ZSWIM5: variants seen among roughly 807,000 people sequenced by gnomAD.
ZSWIM5 encodes zinc finger SWIM domain-containing protein 5.
A neutral mutation model predicts 119.6 loss-of-function variants in ZSWIM5; 55 were observed. That is an observed-to-expected ratio of 0.46 (90% CI 0.37 to 0.58). The LOEUF is 0.58. ZSWIM5 is among the 20% of genes least tolerant of loss of function. The pLI, the probability that ZSWIM5 is intolerant of heterozygous loss-of-function variation, is 0.00. For missense variants in ZSWIM5, 1,193 were observed against 1,512.8 expected, an observed-to-expected ratio of 0.79 and a Z score of 3.51; for synonymous variants, 537 against 606.9, an observed-to-expected ratio of 0.88 and a Z score of 1.69.
intron 1 of ZSWIM5, among the ~76,000 whole-genome samples, chr1:45,149,052 T>G (rs2149037118): frequency 6.6e-6 from 1 of 152,248 alleles, no homozygotes; most frequent in East Asian, 1.9e-4. Context: ...AAGGACTTCT[T>G]GAGGCCAGGA....
intron 2 of ZSWIM5, among the ~76,000 whole-genome samples, chr1:45,060,520 AG>A (rs1645146539): frequency 6.6e-6 from 1 of 152,224 alleles, no homozygotes; most frequent in Admixed American, 6.5e-5. Flanking sequence ...AGGGGAAAAA[AG>A]GTTAGAAGAG....
In ZSWIM5 at chr1:45,206,228, G is replaced by A. The variant is rs1249777710; in HGVS notation, c.123C>T (p.Gly41=). The A allele has an allele frequency of 4.4e-6, 7 of 1,584,680 alleles. No individual in the cohort carries two copies. The Admixed American group carries it at 7.2e-5, about 16-fold the overall frequency. The change falls in exon 1 of 14, where the codon GGC becomes GGT. Residue 41 remains glycine (G), a synonymous_variant. Coordinates refer to ENST00000359600, the MANE Select transcript of ZSWIM5 (RefSeq NM_020883.2). ...HHPRGSPGAA[G]GGAGGVGSSC... The stretch of plus-strand genomic sequence containing the variant: ...TGCTGCCGACGCCCCCTGCCCCTCC[G>A]CCGGCTGCCCCAGGCGAACCGCGAG...
intron 1 of ZSWIM5, among the ~76,000 whole-genome samples, chr1:45,103,155 G>A (rs1645450414): frequency 6.6e-6 from 1 of 152,118 alleles, no homozygotes; most frequent in African/African-American, 2.4e-5. Context: ...GGTGTGAGCT[G>A]AGCCACCATG....
intron 4 of ZSWIM5, among the ~76,000 whole-genome samples, chr1:45,051,790 T>C (rs1241718211): frequency 6.6e-6 from 1 of 152,160 alleles, no homozygotes; most frequent in East Asian, 1.9e-4. Flanking sequence ...CTTCATCAAA[T>C]CATTCAATTG....
intron 2 of ZSWIM5, among the ~76,000 whole-genome samples, chr1:45,071,864 G>A (rs965718000): frequency 6.6e-6 from 1 of 152,112 alleles, no homozygotes; most frequent in Admixed American, 6.5e-5. Context: ...TCCAAATCTT[G>A]CTTTGTGAAC....
intron 1 of ZSWIM5, among the ~76,000 whole-genome samples, chr1:45,114,691 G>A (rs1027473764): frequency 4.7e-5 from 7 of 149,920 alleles, no homozygotes; most frequent in African/African-American, 1.5e-4. Flanking sequence ...GGTGTTTCTC[G>A]GAGAGGGATT....
At chr1:45,204,856 T>C (rs1332235766) in intron 1 of ZSWIM5, among the ~76,000 whole-genome samples, 1 of 152,204 alleles carries the variant, frequency 6.6e-6, no homozygotes, top group African/African-American at 2.4e-5. Context: ...GCAAAGTCAA[T>C]GTTAATCATT....
chr1:45,059,913 G>A (rs1645143013), intron 3 of ZSWIM5, among the ~76,000 whole-genome samples, 186 bp downstream of exon 3: 1 of 152,154 alleles, frequency 6.6e-6, no homozygotes, highest in South Asian at 2.1e-4. Flanking sequence ...ACCAGGTTGA[G>A]GTGGGAGGCC....
chr1:45,138,926 CTAT>C (rs1213737171), intron 1 of ZSWIM5, among the ~76,000 whole-genome samples: 1 of 146,096 alleles, frequency 6.8e-6, no homozygotes, highest in Non-Finnish European at 1.5e-5. Flanking sequence ...GAGTCTTGCT[CTAT>C]TGCCCAGGCT....
intron 2 of ZSWIM5, among the ~76,000 whole-genome samples, chr1:45,067,295 C>T (rs1645189185): frequency 6.6e-6 from 1 of 151,720 alleles, no homozygotes; most frequent in Non-Finnish European, 1.5e-5. Flanking sequence ...AAAAATTAGC[C>T]AAGCATGGTG....
chr1:45,073,550 C>T (rs751229829), intron 2 of ZSWIM5, among the ~76,000 whole-genome samples: 8 of 151,564 alleles, frequency 5.3e-5, no homozygotes, highest in South Asian at 2.1e-4. Flanking sequence ...TGAGCCACTG[C>T]GCCCGGCCTG....
intron 1 of ZSWIM5, among the ~76,000 whole-genome samples, chr1:45,186,255 G>T (rs1424504214): frequency 6.2e-5 from 9 of 144,224 alleles, no homozygotes; most frequent in African/African-American, 2.3e-4. Flanking sequence ...CTGTTGTGCA[G>T]TGGGGGGAGG....
chr1:45,018,118 A>G lies in ZSWIM5; in HGVS notation c.*336T>C, dbSNP rs77747476. 55 of 326,390 alleles carry G rather than the reference A, an allele frequency of 1.7e-4. No homozygotes were observed. The East Asian group carries it at 3.3e-3, about 19-fold the overall frequency. The allele number at this position is 326,390 out of a possible 1,614,324, so 20.2% of individuals were successfully genotyped here. ...ATGTGTCTGTTTCTCTGGTTAAGCA[A>G]TCCCTGAGATGGAACAGTGTTCTGT... On this transcript the variant is annotated 3_prime_UTR_variant, in exon 14 of 14. Coordinates refer to ENST00000359600, the MANE Select transcript of ZSWIM5 (RefSeq NM_020883.2). This position sits in a 1 kb window ranked among gnomAD's most constrained non-coding sequence, Gnocchi z 6.7.
intron 1 of ZSWIM5, among the ~76,000 whole-genome samples, chr1:45,166,598 A>C (rs961958860): frequency 5.3e-5 from 8 of 152,166 alleles, no homozygotes; most frequent in African/African-American, 1.9e-4. Context: ...AAATCTCCTT[A>C]AGCTGATACG....
chr1:45,123,263 A>G (rs1331858622), intron 1 of ZSWIM5, among the ~76,000 whole-genome samples: 1 of 152,236 alleles, frequency 6.6e-6, no homozygotes, highest in Non-Finnish European at 1.5e-5. Context: ...ATAAAAAAAG[A>G]CAATAAGTAG....
chr1:45,033,190 T>A (rs1343262270), intron 11 of ZSWIM5, among the ~76,000 whole-genome samples: 2 of 152,226 alleles, frequency 1.3e-5, no homozygotes, highest in African/African-American at 2.4e-5. Context: ...TAATTTGTAT[T>A]TCTAATGTGA....
intron 1 of ZSWIM5, among the ~76,000 whole-genome samples, chr1:45,094,017 ATTTTTATATT>A (rs1645383246): frequency 7.5e-6 from 1 of 133,522 alleles, no homozygotes; most frequent in African/African-American, 2.8e-5. Context: ...GCTAATTTTT[ATTTTTATATT>A]TATTTATTTA....
intron 1 of ZSWIM5, among the ~76,000 whole-genome samples, chr1:45,149,270 T>TAAAAGA (rs1308083180): frequency 1.3e-5 from 2 of 151,958 alleles, no homozygotes; most frequent in East Asian, 1.9e-4. Flanking sequence ...TCTCTAAAAC[T>TAAAAGA]AAAAGAAAAA....
chr1:45,159,908 T>C (rs1220549865), intron 1 of ZSWIM5, among the ~76,000 whole-genome samples: 1 of 152,130 alleles, frequency 6.6e-6, no homozygotes, highest in Non-Finnish European at 1.5e-5. Context: ...TTAAACTGAC[T>C]AAAAATCACT....
Sources: allele counts gnomAD v4.1 joint callset (sites outside exome capture counted in the v4.1 genomes callset), GRCh38; gene constraint gnomAD v4.1.1; non-coding constraint Gnocchi (gnomAD v3.1); transcripts MANE v1.5; gene names NCBI Gene and HGNC (gene_info 2026-07-23, HGNC 2026-07-21).